The following ARHGAP4 variants were observed in gnomAD, a reference collection of about 807,000 sequenced individuals.
The protein encoded by ARHGAP4 is rho GTPase-activating protein 4.
ARHGAP4 carries 25 observed loss-of-function variants against 67.6 expected under a neutral mutation model. The ratio of observed to expected loss-of-function variants is 0.37; its 90% CI spans 0.27 to 0.52. The LOEUF (loss-of-function observed/expected upper bound fraction) is 0.52. ARHGAP4 is among the 20% of genes least tolerant of loss of function. The pLI is 0.92. For missense variants in ARHGAP4, 804 were observed against 854.6 expected (o/e 0.94, Z 0.74); for synonymous variants, 448 against 373.7 (o/e 1.20, Z -2.29).
At chrX:153,919,630 G>C (rs782646578) in intron 5 of ARHGAP4, 2 of 1,167,293 alleles carry the variant, frequency 1.7e-6, no homozygotes, top group South Asian at 3.8e-5. Context: ...ACCCAGCTTG[G>C]AGCCAGCACA....
At chrX:153,924,026 G>A (rs907274255) in intron 1 of ARHGAP4, among the ~76,000 whole-genome samples, 5 of 111,747 alleles carry the variant, frequency 4.5e-5, no homozygotes, top group African/African-American at 9.8e-5. Flanking sequence ...TGATCCGCCC[G>A]CCTCGGCCTC....
rs781790917 is a variant in ARHGAP4 at position 153,907,745 on chromosome X, G to A, written c.2825C>T (p.Thr942Ile). Residue 942 changes from threonine to isoleucine, a missense_variant, in exon 22 of 22, where the codon ACC becomes ATC. This residue lies in a region of ARHGAP4 where 400 missense variants were observed against 348.7 expected (regional missense o/e 1.15). Transcript: ENST00000350060. ...SASHPQGLDT[T>I]PKPH ...AGCGGCACCTCAGTGTGGCTTGGGG[G>A]TCGTGTCTAGGCCCTGGGGGTGGGA... The A allele has an allele frequency of 5.6e-5, 56 of 1,002,106 alleles. No individual in the cohort carries two copies. In the South Asian group the frequency reaches 2.0e-3, roughly 35 times the overall value. The allele number at this position is 1,002,106 out of a possible 1,213,427, so 82.6% of individuals were successfully genotyped here. A position where few individuals can be genotyped will look rare whatever the true frequency, so the allele number is the denominator to read the frequency against.
intron 1 of ARHGAP4, among the ~76,000 whole-genome samples, chrX:153,924,572 G>A (rs2148529408): frequency 8.9e-6 from 1 of 111,841 alleles, no homozygotes; most frequent in South Asian, 3.7e-4. Context: ...GCCATGTGAG[G>A]GCGGGGTGGC....
chrX:153,908,135 T>C (rs1557101723), intron 21 of ARHGAP4, among the ~76,000 whole-genome samples, 173 bp from the exon 22 acceptor site: 1 of 112,161 alleles, frequency 8.9e-6, no homozygotes, highest in African/African-American at 3.2e-5. Context: ...CCTGTCCCTG[T>C]TGGTGTCTCT....
intron 1 of ARHGAP4, 197 bp from the exon 2 acceptor site, chrX:153,922,006 C>T (rs2065098817): frequency 2.3e-6 from 2 of 858,592 alleles, no homozygotes; most frequent in Non-Finnish European, 3.1e-6. Flanking sequence ...GATCTGGCCT[C>T]AGCTGTCCAG....
Position 153,921,779 on chromosome X carries a change from C to T in ARHGAP4, c.98G>A (p.Arg33His), listed in dbSNP as rs1557105426. Residue 33 changes from arginine to histidine, a missense_variant, in exon 2 of 22, where the codon CGC becomes CAC. Around this residue, in one of 2 missense-constraint regions of ARHGAP4, gnomAD observed 404 missense variants for 505.9 expected, o/e 0.80. Coordinates refer to ENST00000350060, the MANE Select transcript of ARHGAP4 (RefSeq NM_001666.5). ...CAGCTCGCCCTGCAGCTCCAGGCAGCGCAGCTGCTCGCTCAGCTGCCAGCG... is the reference window on the plus strand; with the variant it reads ...CAGCTCGCCCTGCAGCTCCAGGCAGTGCAGCTGCTCGCTCAGCTGCCAGCG... ...EMRWQLSEQLRCLELQGELRR... is the reference protein window; with the variant it reads ...EMRWQLSEQLHCLELQGELRR... The T allele has an allele frequency of 1.1e-5, 13 of 1,194,567 alleles. No individual in the cohort carries two copies. Among genetic ancestry groups the T allele is most frequent in the South Asian group, 3.6e-5 (2 of 54,931 alleles).
rs147129912 is a variant in ARHGAP4, at chrX:153,910,334, G to A, written c.1993C>T (p.Leu665=). The part of the protein sequence containing the change: ...NLAVCFGPTL[L]PVPAGQDPVA... ...GGGTCCTGCCCAGCGGGCACCGGTA[G>A]CAGCGTGGGCCCGAAGCACACGGCC... Residue 665 remains leucine (L), a synonymous_variant, in exon 17 of 22, where the codon CTA becomes TTA. Coordinates refer to ENST00000350060, the MANE Select transcript of ARHGAP4 (RefSeq NM_001666.5). 62 of 1,207,452 alleles carry A rather than the reference G, an allele frequency of 5.1e-5. No individual in the cohort carries two copies. The highest frequency in any genetic ancestry group is 6.5e-5 in the Non-Finnish European group (58 of 893,953).
At chrX:153,923,838 T>C (rs1303810394) in intron 1 of ARHGAP4, among the ~76,000 whole-genome samples, 1 of 112,138 alleles carries the variant, frequency 8.9e-6, no homozygotes, top group Non-Finnish European at 1.9e-5. Context: ...AGTACAGTGG[T>C]GCGATCTCGG....
At chrX:153,924,164 GCCTGC>G (rs1318426193) in intron 1 of ARHGAP4, among the ~76,000 whole-genome samples, 1 of 112,009 alleles carries the variant, frequency 8.9e-6, no homozygotes, top group East Asian at 2.8e-4. Flanking sequence ...GCCCTCTGGA[GCCTGC>G]CCTGCCCTGC....
At chrX:153,912,178 T>C (rs1180976595) in intron 12 of ARHGAP4, among the ~76,000 whole-genome samples, 1 of 107,729 alleles carries the variant, frequency 9.3e-6, no homozygotes, top group Admixed American at 1.0e-4. Context: ...CGTGCCACCA[T>C]GCCTGGCTAA....
chrX:153,908,047 C>T, intron 21 of ARHGAP4, 85 bp from the exon 22 acceptor site: 1 of 845,526 alleles, frequency 1.2e-6, no homozygotes, highest in Non-Finnish European at 1.6e-6. Flanking sequence ...CCTCCCACTC[C>T]CAAAGCAAGC....
intron 1 of ARHGAP4, among the ~76,000 whole-genome samples, chrX:153,924,921 C>T (rs782323675): frequency 8.9e-6 from 1 of 111,806 alleles, no homozygotes; most frequent in East Asian, 2.8e-4. Flanking sequence ...AGACAGTGAC[C>T]CCACTTTGTA....
chrX:153,913,360 C>T (rs782676910), intron 9 of ARHGAP4, 49 bp downstream of exon 9: 2 of 1,205,665 alleles, frequency 1.7e-6, no homozygotes, highest in East Asian at 5.9e-5. Flanking sequence ...CCTCCCTCTG[C>T]CCCAGCAATG....
At chrX:153,926,081 C>G in intron 1 of ARHGAP4, 55 bp downstream of exon 1, 1 of 1,181,561 alleles carries the variant, frequency 8.5e-7, no homozygotes, top group East Asian at 3.2e-5. Context: ...GGAGCTCCCT[C>G]ACGACCTTGG....
intron 5 of ARHGAP4, chrX:153,919,583 G>A (rs2065078441): frequency 8.6e-7 from 1 of 1,163,860 alleles, no homozygotes; most frequent in East Asian, 3.3e-5. Flanking sequence ...AGTGGAAGGT[G>A]CGCACATGGC....
At chrX:153,914,080 A>G in intron 7 of ARHGAP4, 1 of 432,639 alleles carries the variant, frequency 2.3e-6, no homozygotes, top group Non-Finnish European at 4.0e-6. Context: ...TCGTGGCGGC[A>G]CCACTCATCC....
Position 153,910,104 on chromosome X carries a change from C to T in ARHGAP4, c.2157-19G>A, listed in dbSNP as rs200488014. On this transcript the variant is annotated intron_variant, in intron 17 of 21. Coordinates refer to ENST00000350060, the MANE Select transcript of ARHGAP4 (RefSeq NM_001666.5). ...GGCGTCCCTGAGGTTCAGGGCAGAG[C>T]GAGGCAGATGAGGGGGGCTCTTCTC... 11 of 1,209,608 alleles carry T rather than the reference C, an allele frequency of 9.1e-6. No individual in the cohort carries two copies. Among genetic ancestry groups the T allele is most frequent in the Middle Eastern group, 2.3e-4 (1 of 4,343 alleles).
intron 7 of ARHGAP4, among the ~76,000 whole-genome samples, chrX:153,916,424 T>G (rs141626240): frequency 5.4e-4 from 61 of 112,843 alleles, no homozygotes; most frequent in Middle Eastern, 9.2e-3. Context: ...GCAATGGAGA[T>G]TATAGGGCTG....
In ARHGAP4 at chrX:153,910,969, G is replaced by A; in HGVS notation, c.1634C>T (p.Ser545Leu). The A allele has an allele frequency of 2.0e-6, 2 of 981,690 alleles. No individual in the cohort carries two copies. Among genetic ancestry groups the A allele is most frequent in the Non-Finnish European group, 2.6e-6 (2 of 762,606 alleles). 80.9% of individuals were successfully genotyped at this position (981,690 alleles called of 1,213,427 possible). ...CTCTGAGACCCGGAGCTGGGCACCC[G>A]ATACCCGGAAGATGCCTTCATGCTG... Reference protein sequence around the residue: ...GLQHEGIFRVSGAQLRVSEIR... With the variant: ...GLQHEGIFRVLGAQLRVSEIR... The change falls in exon 14 of 22, where the codon TCG (serine) becomes TTG (leucine). Residue 545 changes from serine (S) to leucine (L), a missense_variant. By Grantham distance (145) the Ser-to-Leu change is moderately radical (BLOSUM62 -2). Around this residue, in one of 2 missense-constraint regions of ARHGAP4, gnomAD observed 404 missense variants for 505.9 expected, o/e 0.80. Transcript: ENST00000350060.
Sources: gnomAD v4.1 joint callset for allele counts (sites outside exome capture counted in the v4.1 genomes callset) on GRCh38, gnomAD v4.1.1 for gene constraint, gnomAD v4.1.1 regional missense constraint, MANE v1.5 for transcripts, NCBI Gene and HGNC (gene_info 2026-07-23, HGNC 2026-07-21) for gene names.